CHN2: variants seen among roughly 807,000 people sequenced by gnomAD.
CHN2 encodes the protein beta-chimaerin.
CHN2 carries 35 observed loss-of-function variants against 56.3 expected under a neutral mutation model. That is an observed-to-expected ratio of 0.62 (90% CI 0.47 to 0.82). The LOEUF is 0.82. CHN2 is among the 40% of genes least tolerant of loss of function. The pLI, the probability that CHN2 is intolerant of heterozygous loss-of-function variation, is 0.00. For synonymous variants in CHN2, 210 were observed against 212.8 expected, an observed-to-expected ratio of 0.99 and a Z score of 0.12; for missense variants, 491 against 580.5, an observed-to-expected ratio of 0.85 and a Z score of 1.58.
intron 6 of CHN2, chr7:29,480,003 G>A (rs940415830): frequency 1.1e-5 from 17 of 1,495,796 alleles, no homozygotes; most frequent in Admixed American, 8.6e-5. Context: ...ACAGGACCCA[G>A]CTGCCTCAAA....
chr7:29,509,543 G>C, intron 12 of CHN2, 137 bp downstream of exon 12: 1 of 632,508 alleles, frequency 1.6e-6, no homozygotes, highest in South Asian at 1.8e-5. Flanking sequence ...CACTTTCAGT[G>C]TATCATCCCT....
At chr7:29,507,088 C>G (rs537818803) in intron 10 of CHN2, 140 bp from the exon 11 acceptor site, 1 of 684,862 alleles carries the variant, frequency 1.5e-6, no homozygotes. Flanking sequence ...TCCTACACTT[C>G]AGTGTTACTA....
At chr7:29,368,012 C>A in intron 3 of CHN2, 25 bp downstream of exon 3, 1 of 1,593,140 alleles carries the variant, frequency 6.3e-7, no homozygotes, top group Non-Finnish European at 8.6e-7. Flanking sequence ...ATTTCCAATA[C>A]ACCTTGTTAA....
intron 1 of CHN2, among the ~76,000 whole-genome samples, chr7:29,269,460 C>T (rs1790438316): frequency 6.6e-6 from 1 of 152,168 alleles, no homozygotes; most frequent in South Asian, 2.1e-4. Context: ...TGTTGATGGA[C>T]ACTTAGGTTG....
intron 8 of CHN2, among the ~76,000 whole-genome samples, chr7:29,496,420 G>A (rs530435989): frequency 6.6e-6 from 1 of 151,996 alleles, no homozygotes; most frequent in African/African-American, 2.4e-5. Context: ...AATAGTGCTG[G>A]TGAATATTTA....
At chr7:29,241,510 G>A (rs551345627) in intron 1 of CHN2, among the ~76,000 whole-genome samples, 7 of 152,180 alleles carry the variant, frequency 4.6e-5, no homozygotes, top group South Asian at 4.2e-4. Context: ...ACCCTCTCCC[G>A]CCTGGCTGTC....
chr7:29,427,304 A>T (rs932843045), intron 6 of CHN2, among the ~76,000 whole-genome samples: 2 of 152,202 alleles, frequency 1.3e-5, no homozygotes, highest in Non-Finnish European at 2.9e-5. Context: ...GTGATAGAGT[A>T]AGACTGTCTC....
chr7:29,280,383 C>CAATAA (rs67342328), intron 1 of CHN2, among the ~76,000 whole-genome samples: 38,552 of 150,194 alleles, frequency 0.26, 6,065 homozygotes, highest in East Asian at 0.41. Flanking sequence ...GGCTCCGTCT[C>CAATAA]ATAAATAAAT....
chr7:29,195,259 G>C, intron 1 of CHN2: 1 of 408,468 alleles, frequency 2.4e-6, no homozygotes, highest in Non-Finnish European at 4.3e-6. Context: ...AGTGCAGCGA[G>C]CGAAAAGCGA....
At position 29,209,581 on chromosome 7, in the gene CHN2, G is replaced by GTTCTTCTAAT. The variant is rs1784768220; in HGVS notation, c.49+14591_49+14592insTTCTTCTAAT. 2.0e-5 allele frequency among the ~76,000 whole-genome samples: 3 copies of GTTCTTCTAAT among 152,258 alleles called. No individual in the cohort carries two copies. The South Asian group carries it at 6.2e-4, about 32-fold the overall frequency. On this transcript the variant is annotated intron_variant, in intron 1 of 12. Transcript: ENST00000222792. ...GAGTCTTTAGCTCTAATGAGAAGTA[G>GTTCTTCTAAT]GACAGTGAGGGTTGAAGGTTTTGAT...
chr7:29,500,057 C>T lies in CHN2; in HGVS notation c.913+17C>T. 6.7e-7 allele frequency: 1 copy of T among 1,496,152 alleles called. No individual in the cohort carries two copies. The highest frequency in any genetic ancestry group is 9.0e-7 in the Non-Finnish European group (1 of 1,116,434). 92.7% of individuals were successfully genotyped at this position (1,496,152 alleles called of 1,614,324 possible). A position where few individuals can be genotyped will look rare whatever the true frequency, so the allele number is the denominator to read the frequency against. Reference sequence around the variant, plus strand: ...AAGCAAGAGGTTTGGAAAATACTTCCTATTATAGTAGTATAGTGATTTTAT... The same window carrying T: ...AAGCAAGAGGTTTGGAAAATACTTCTTATTATAGTAGTATAGTGATTTTAT... On this transcript the variant is annotated intron_variant, in intron 9 of 12. Transcript: ENST00000222792.
At chr7:29,305,822 C>CCTCCTCCTCGTCTTT (rs1554397337) in intron 1 of CHN2, among the ~76,000 whole-genome samples, 3 of 138,128 alleles carry the variant, frequency 2.2e-5, no homozygotes, top group Non-Finnish European at 3.2e-5. Context: ...TCGTCTTTCT[C>CCTCCTCCTCGTCTTT]CTCCTCCTCC....
chr7:29,340,409 C>G (rs529870621), intron 1 of CHN2, among the ~76,000 whole-genome samples: 26 of 151,524 alleles, frequency 1.7e-4, no homozygotes, highest in Admixed American at 8.5e-4. Context: ...TGGGGGGGGG[C>G]CTCAATATTT....
At chr7:29,221,519 TA>T in intron 1 of CHN2, among the ~76,000 whole-genome samples, 1 of 152,206 alleles carries the variant, frequency 6.6e-6, no homozygotes, top group East Asian at 1.9e-4. Context: ...GTTTGTTACA[TA>T]GGTAAACATG....
intron 6 of CHN2, among the ~76,000 whole-genome samples, chr7:29,441,094 TAATC>T (rs1260496604): frequency 2.6e-5 from 4 of 152,198 alleles, no homozygotes; most frequent in African/African-American, 7.2e-5. Flanking sequence ...GGGGAGGTGA[TAATC>T]AAAGTACACA....
chr7:29,511,335 T>G (rs1791358686), intron 12 of CHN2, among the ~76,000 whole-genome samples: 1 of 152,236 alleles, frequency 6.6e-6, no homozygotes, highest in Non-Finnish European at 1.5e-5. Flanking sequence ...AAACTATGGG[T>G]ATCACATCTG....
intron 3 of CHN2, among the ~76,000 whole-genome samples, chr7:29,375,158 G>A (rs1358280936): frequency 1.4e-5 from 2 of 144,608 alleles, no homozygotes; most frequent in Non-Finnish European, 3.0e-5. Flanking sequence ...CCAAAATGCT[G>A]GGATTACAAG....
intron 1 of CHN2, among the ~76,000 whole-genome samples, chr7:29,255,267 C>T (rs1395525855): frequency 1.3e-5 from 2 of 152,174 alleles, no homozygotes; most frequent in Admixed American, 6.5e-5. Flanking sequence ...GCATGTGGCT[C>T]CAGGGAAGGC....
chr7:29,436,645 C>T (rs985327205), intron 6 of CHN2, among the ~76,000 whole-genome samples: 2 of 152,004 alleles, frequency 1.3e-5, no homozygotes, highest in Non-Finnish European at 2.9e-5. Flanking sequence ...TGACACCCCC[C>T]AAAAAAGTAT....
Sources: gnomAD v4.1 joint callset for allele counts (sites outside exome capture counted in the v4.1 genomes callset) on GRCh38, gnomAD v4.1.1 for gene constraint, MANE v1.5 for transcripts, NCBI Gene and HGNC (gene_info 2026-07-23, HGNC 2026-07-21) for gene names.